Variants in GCNT1 observed in about 807,000 individuals in gnomAD.
The protein encoded by GCNT1 is beta-1,3-galactosyl-O-glycosyl-glycoprotein beta-1,6-N-acetylglucosaminyltransferase.
In GCNT1, 16 loss-of-function variants were observed where a neutral mutation model predicts 26.2. The observed-to-expected ratio is 0.61, with a 90% CI of 0.41 to 0.93. GCNT1 has a LOEUF of 0.93. Among genes scored for constraint, GCNT1 ranks in the 40% least tolerant of loss-of-function variants. GCNT1 has a pLI of 0.00. For missense variants in GCNT1, 477 were observed against 526.7 expected, an observed-to-expected ratio of 0.91 and a Z score of 0.92; for synonymous variants, 183 against 190.8, an observed-to-expected ratio of 0.96 and a Z score of 0.34.
chr9:76,443,359 C>T (rs987882813), intron 1 of GCNT1, among the ~76,000 whole-genome samples: 4 of 152,162 alleles, frequency 2.6e-5, no homozygotes, highest in Admixed American at 2.6e-4. Context: ...TAACAGCAAG[C>T]CAGTCATTAG....
chr9:76,489,470 CA>C (rs1004349726), intron 2 of GCNT1, among the ~76,000 whole-genome samples: 2 of 152,184 alleles, frequency 1.3e-5, no homozygotes, highest in African/African-American at 2.4e-5. Context: ...AAAGAGACCC[CA>C]GCGGGTTGCC....
At chr9:76,399,572 A>G in the GCNT1 span, 1 of 1,341,384 alleles carries the variant, frequency 7.5e-7, no homozygotes, top group South Asian at 1.2e-5. Context: ...AGGAGCAACC[A>G]CTGACTGGTC....
chr9:76,441,092 G>A (rs1587412155), upstream of GCNT1, among the ~76,000 whole-genome samples: 3 of 146,812 alleles, frequency 2.0e-5, no homozygotes, highest in African/African-American at 7.4e-5. Context: ...CCTATGCCTA[G>A]GCCACATTCC....
the GCNT1 span, chr9:76,399,570 C>A: frequency 2.1e-4 from 291 of 1,356,230 alleles, 2 homozygotes; most frequent in Middle Eastern, 6.2e-4. Flanking sequence ...GTAGGAGCAA[C>A]CACTGACTGG....
chr9:76,461,342 C>T (rs996603170), intron 2 of GCNT1, among the ~76,000 whole-genome samples: 10 of 152,048 alleles, frequency 6.6e-5, no homozygotes, highest in Admixed American at 5.2e-4. Flanking sequence ...CCTGTAATCC[C>T]GGCACTTTGG....
chr9:76,428,699 A>AT (rs5898475), intron 1 of GCNT1, among the ~76,000 whole-genome samples: 24,194 of 130,052 alleles, frequency 0.19, 2,547 homozygotes, highest in African/African-American at 0.25. Context: ...TGCGTATTCT[A>AT]TTTTTTTTTT....
At chr9:76,479,612 TG>T in intron 2 of GCNT1, among the ~76,000 whole-genome samples, 1 of 152,386 alleles carries the variant, frequency 6.6e-6, no homozygotes, top group Admixed American at 6.5e-5. Context: ...TGATGGCCAG[TG>T]ATGATGAGCA....
At chr9:76,466,708 G>A (rs559137016) in intron 2 of GCNT1, among the ~76,000 whole-genome samples, 13 of 152,260 alleles carry the variant, frequency 8.5e-5, no homozygotes, top group Non-Finnish European at 1.9e-4. Context: ...GCAGAATTTG[G>A]TCTTTGATGG....
chr9:76,465,411 AC>A (rs1823973301), intron 2 of GCNT1, among the ~76,000 whole-genome samples: 1 of 152,152 alleles, frequency 6.6e-6, no homozygotes, highest in South Asian at 2.1e-4. Context: ...GGTGTGAGCC[AC>A]CGCACCTGGC....
At chr9:76,394,779 A>C in the GCNT1 span, among the ~76,000 whole-genome samples, 10 of 152,124 alleles carry the variant, frequency 6.6e-5, no homozygotes, top group African/African-American at 1.2e-4. Context: ...TCCGGAAGCC[A>C]AAGTGAGACG....
intron 1 of GCNT1, among the ~76,000 whole-genome samples, chr9:76,421,519 G>A (rs1019822695): frequency 6.9e-6 from 1 of 145,298 alleles, no homozygotes; most frequent in African/African-American, 2.5e-5. Context: ...CACGATAATT[G>A]CTTGAACCCA....
At chr9:76,394,788 C>A in the GCNT1 span, among the ~76,000 whole-genome samples, 1 of 152,196 alleles carries the variant, frequency 6.6e-6, no homozygotes, top group South Asian at 2.1e-4. Flanking sequence ...CAAAGTGAGA[C>A]GCTCTTTAGC....
At chr9:76,445,828 C>T (rs189155721) in intron 1 of GCNT1, among the ~76,000 whole-genome samples, 89 of 144,156 alleles carry the variant, frequency 6.2e-4, no homozygotes, top group Admixed American at 2.2e-3. Flanking sequence ...ATAGAAAATA[C>T]GAAAATTAGC....
At chr9:76,486,916 AAAACAAAC>A (rs74278555) in intron 2 of GCNT1, among the ~76,000 whole-genome samples, 65 of 150,958 alleles carry the variant, frequency 4.3e-4, no homozygotes, top group Admixed American at 1.9e-3. Context: ...ATCTCTACTT[AAAACAAAC>A]AAACAAACAA....
At chr9:76,501,719 C>G (rs905830876) in intron 3 of GCNT1, 5 of 152,144 alleles carry the variant, frequency 3.3e-5, no homozygotes, top group Non-Finnish European at 5.9e-5. Flanking sequence ...AATCCTAAAT[C>G]AGCAAAAAGC....
At chr9:76,492,165 T>G (rs1156921197) in intron 2 of GCNT1, among the ~76,000 whole-genome samples, 3 of 152,182 alleles carry the variant, frequency 2.0e-5, no homozygotes, top group Admixed American at 6.5e-5. Context: ...TGGGAAGGCT[T>G]AAGGCTGGAG....
At chr9:76,497,954 C>T (rs1824956412) in intron 2 of GCNT1, among the ~76,000 whole-genome samples, 1 of 150,524 alleles carries the variant, frequency 6.6e-6, no homozygotes, top group South Asian at 2.1e-4. Flanking sequence ...AGAGAACTTT[C>T]AAAGGAAACC....
chr9:76,399,076 C>T, the GCNT1 span: 34 of 1,595,276 alleles, frequency 2.1e-5, no homozygotes, highest in South Asian at 3.3e-4. Flanking sequence ...TGGTTACTGA[C>T]CCCAGGGCTG....
At chr9:76,428,793 TG>T (rs1274170875) in intron 1 of GCNT1, among the ~76,000 whole-genome samples, 1 of 150,806 alleles carries the variant, frequency 6.6e-6, no homozygotes, top group African/African-American at 2.4e-5. Context: ...CTCTGCCTCC[TG>T]GGTTCAAGCG....
Sources: allele counts gnomAD v4.1 joint callset (sites outside exome capture counted in the v4.1 genomes callset), GRCh38; gene constraint gnomAD v4.1.1; transcripts MANE v1.5; gene names NCBI Gene and HGNC (gene_info 2026-07-23, HGNC 2026-07-21).